NUBP1: variants seen among roughly 807,000 people sequenced by gnomAD.
NUBP1 encodes cytosolic Fe-S cluster assembly factor NUBP1.
NUBP1 carries 46 observed loss-of-function variants against 41.8 expected under a neutral mutation model. That is an observed-to-expected ratio of 1.10 (90% CI 0.87 to 1.41). NUBP1 has a LOEUF of 1.41. Ranked by LOEUF, NUBP1 falls within the 40% of genes most tolerant of loss-of-function variation. The pLI is 0.00. For synonymous variants in NUBP1, 189 were observed against 154.6 expected (o/e 1.22, Z -1.65); for missense variants, 494 against 414.0 (o/e 1.19, Z -1.68).
chr16:10,753,756 A>C (rs1900428909), intron 4 of NUBP1, among the ~76,000 whole-genome samples: 1 of 151,600 alleles, frequency 6.6e-6, no homozygotes, highest in South Asian at 2.1e-4. Context: ...GCCCTCACTG[A>C]GGGATAGCAT....
intron 9 of NUBP1, 164 bp downstream of exon 9, chr16:10,762,023 G>A (rs79212073): frequency 0.013 from 7,831 of 583,900 alleles, 517 homozygotes; most frequent in African/African-American, 0.13. Context: ...AGAGGCCACC[G>A]GGAGAGAGGC....
At chr16:10,755,799 G>A (rs1327401079) in intron 5 of NUBP1, 46 bp downstream of exon 5, 1 of 1,588,786 alleles carries the variant, frequency 6.3e-7, no homozygotes, top group African/African-American at 1.3e-5. Context: ...GTGTGTGGTT[G>A]TGTGTACATA....
Position 10,743,959 on chromosome 16 carries a change from A to G in NUBP1, c.20-2A>G. ...TCTAACTGTGGTCTTGTCTCTGCGC[A>G]GACTGTCCAGGGGCCGACAGCGCCC... is the stretch of plus-strand genomic sequence containing the variant. On this transcript the variant is annotated splice_acceptor_variant, in intron 1 of 10. Transcript: ENST00000283027. LOFTEE classifies it high-confidence loss of function. The G allele has an allele frequency of 6.3e-7, 1 of 1,592,700 alleles. No individual in the cohort carries two copies. The highest frequency in any genetic ancestry group is 8.5e-7 in the Non-Finnish European group (1 of 1,172,828).
chr16:10,761,647 C>A, intron 8 of NUBP1, 110 bp from the exon 9 acceptor site: 1 of 1,015,400 alleles, frequency 9.8e-7, no homozygotes. Flanking sequence ...GTTAAGGGTT[C>A]CACATTCAAA....
At chr16:10,755,070 G>C (rs911744506) in intron 4 of NUBP1, among the ~76,000 whole-genome samples, 2 of 152,148 alleles carry the variant, frequency 1.3e-5, no homozygotes, top group African/African-American at 2.4e-5. Flanking sequence ...AAATAAAACT[G>C]TGGTGATGGC....
intron 2 of NUBP1, among the ~76,000 whole-genome samples, chr16:10,744,267 A>G (rs969115460): frequency 1.3e-5 from 2 of 152,176 alleles, no homozygotes; most frequent in African/African-American, 4.8e-5. Flanking sequence ...GACTGACAGG[A>G]ACGAGGCCTT....
intron 4 of NUBP1, among the ~76,000 whole-genome samples, chr16:10,754,512 G>T (rs2142704924): frequency 1.3e-5 from 2 of 152,138 alleles, no homozygotes; most frequent in East Asian, 3.9e-4. Context: ...CGCAGTGTTT[G>T]GATTACAGGT....
intron 7 of NUBP1, among the ~76,000 whole-genome samples, chr16:10,758,719 C>T (rs1393868846): frequency 6.6e-6 from 1 of 152,170 alleles, no homozygotes; most frequent in African/African-American, 2.4e-5. Context: ...TTTCCGTTTA[C>T]ATCCCAGGAT....
intron 2 of NUBP1, 46 bp from the exon 3 acceptor site, chr16:10,747,097 G>C (rs776280693): frequency 1.2e-6 from 2 of 1,608,544 alleles, no homozygotes; most frequent in South Asian, 1.1e-5. Flanking sequence ...TGACATTCGA[G>C]GTTTGGTGTG....
intron 2 of NUBP1, among the ~76,000 whole-genome samples, chr16:10,744,894 A>G (rs1378659324): frequency 6.6e-6 from 1 of 151,732 alleles, no homozygotes; most frequent in African/African-American, 2.4e-5. Flanking sequence ...AGTACCTGGG[A>G]CTACAGGCGC....
In NUBP1 at chr16:10,744,075, G is replaced by A. The variant is rs2233532; in HGVS notation, c.124+10G>A. On this transcript the variant is annotated intron_variant, in intron 2 of 10. Transcript: ENST00000283027. The stretch of plus-strand genomic sequence containing the variant: ...GCCACTCCGGACACGGGTGAGAAAA[G>A]GGCAAGGCCTCAACAGGAACTTAGA... 1.7e-5 allele frequency: 27 copies of A among 1,567,278 alleles called. No homozygotes were observed. The highest frequency in any genetic ancestry group is 2.4e-5 in the East Asian group (1 of 42,382).
rs1254705485 is a variant in NUBP1, at chr16:10,749,120, GACACATACACACAC to G, written c.258+1850_258+1863del. 0.011 allele frequency among the ~76,000 whole-genome samples: 1,003 copies of G among 92,372 alleles called. 6 individuals are homozygous for G. The highest frequency in any genetic ancestry group is 0.015 in the Middle Eastern group (3 of 198). The allele number at this position is 92,372 out of a possible 152,430, so 60.6% of individuals were successfully genotyped here. Reference sequence around the variant, plus strand: ...AAAAAAGGATATAGATAGATACACAGACACATACACACACACACACACACACACACACACACACA... The same window carrying G: ...AAAAAAGGATATAGATAGATACACAGACACACACACACACACACACACACA... On this transcript the variant is annotated intron_variant, in intron 3 of 10. Coordinates refer to ENST00000283027, the MANE Select transcript of NUBP1 (RefSeq NM_002484.4). This position sits in a 1 kb window ranked among gnomAD's most constrained non-coding sequence, Gnocchi z 4.1.
At chr16:10,746,605 G>A (rs1391090984) in intron 2 of NUBP1, among the ~76,000 whole-genome samples, 1 of 152,144 alleles carries the variant, frequency 6.6e-6, no homozygotes, top group Non-Finnish European at 1.5e-5. Context: ...GCCAGGCATG[G>A]TGGCAGGCAC....
At chr16:10,747,051 G>C (rs565757926) in intron 2 of NUBP1, 92 bp from the exon 3 acceptor site, 38 of 1,463,368 alleles carry the variant, frequency 2.6e-5, no homozygotes, top group Non-Finnish European at 3.6e-5. Context: ...CTAGTACTAG[G>C]ACTAGGACTT....
At position 10,759,647 on chromosome 16, in the gene NUBP1, G is replaced by C. The variant is rs1346137408; in HGVS notation, c.606+1620G>C. The stretch of plus-strand genomic sequence containing the variant: ...AAAAATTAGCCAGGCGTGGTGGTGG[G>C]CACCTGTAATCCCAGCTACTTGGGA... On this transcript the variant is annotated intron_variant, in intron 7 of 10. Coordinates refer to ENST00000283027, the MANE Select transcript of NUBP1 (RefSeq NM_002484.4). The surrounding 1 kb of genome is among the most constrained non-coding windows in gnomAD (Gnocchi z 4.7). Among the ~76,000 whole-genome samples, 1 of 152,120 alleles carries C rather than the reference G, an allele frequency of 6.6e-6. No homozygotes were observed. The highest frequency in any genetic ancestry group is 1.9e-4 in the East Asian group (1 of 5,184).
intron 2 of NUBP1, among the ~76,000 whole-genome samples, chr16:10,744,279 A>G (rs963180333): frequency 4.6e-5 from 7 of 152,214 alleles, no homozygotes; most frequent in Non-Finnish European, 1.0e-4. Flanking sequence ...CGAGGCCTTT[A>G]GAAGGCGAGC....
At position 10,769,075 on chromosome 16, in the gene NUBP1, G is replaced by T. The variant is rs768402371; in HGVS notation, c.933G>T (p.Gln311His). ...QRIQEFCNLH[Q>H]SKEENLISS ...TCCAAGAGTTTTGTAATCTCCATCA[G>T]TCAAAAGAAGAGAACCTCATCAGTT... Residue 311 changes from glutamine (Q) to histidine (H), a missense_variant, in exon 11 of 11, where the codon CAG (glutamine) becomes CAT (histidine). Physicochemically the swap from Gln to His is conservative, Grantham distance 24 (BLOSUM62 0). Coordinates refer to ENST00000283027, the MANE Select transcript of NUBP1 (RefSeq NM_002484.4). 1 of 1,614,080 alleles carries T rather than the reference G, an allele frequency of 6.2e-7. No homozygotes were observed. The highest frequency in any genetic ancestry group is 8.5e-7 in the Non-Finnish European group (1 of 1,180,014).
chr16:10,761,772 T>A lies in NUBP1; in HGVS notation c.733T>A (p.Phe245Ile), dbSNP rs780789103. Residue 245 changes from phenylalanine (F) to isoleucine (I), a missense_variant, in exon 9 of 11, where the codon TTC (phenylalanine) becomes ATC (isoleucine). Phe to Ile is a conservative substitution (Grantham distance 21). Transcript: ENST00000283027. ...CPKCKKESQI[F>I]PPTTGGAELM... is the part of the protein sequence containing the mutation. ...TGCCTTGCAGAAAGAATCTCAGATA[T>A]TCCCTCCCACAACCGGGGGCGCGGA... is the stretch of plus-strand genomic sequence containing the variant. The A allele has an allele frequency of 1.2e-6, 2 of 1,613,872 alleles. No homozygotes were observed. The highest frequency in any genetic ancestry group is 1.7e-6 in the Non-Finnish European group (2 of 1,179,828).
Position 10,765,405 on chromosome 16 carries a change from G to A in NUBP1, c.821-2544G>A, listed in dbSNP as rs1202643567. 6.6e-6 allele frequency among the ~76,000 whole-genome samples: 1 copy of A among 151,750 alleles called. No homozygotes were observed. Among genetic ancestry groups the A allele is most frequent in the Non-Finnish European group, 1.5e-5 (1 of 67,988 alleles). ...GCCTGTGGTCCCAGCTACTCAGGAGGCTGAGTTAGCAGGATCACTTGAGCC... is the reference window on the plus strand; with the variant it reads ...GCCTGTGGTCCCAGCTACTCAGGAGACTGAGTTAGCAGGATCACTTGAGCC... On this transcript the variant is annotated intron_variant, in intron 9 of 10. Coordinates refer to ENST00000283027, the MANE Select transcript of NUBP1 (RefSeq NM_002484.4). This position sits in a 1 kb window ranked among gnomAD's most constrained non-coding sequence, Gnocchi z 4.0.
Sources: gnomAD v4.1 joint callset for allele counts (sites outside exome capture counted in the v4.1 genomes callset) on GRCh38, gnomAD v4.1.1 for gene constraint, Gnocchi (gnomAD v3.1) non-coding constraint, MANE v1.5 for transcripts, NCBI Gene and HGNC (gene_info 2026-07-23, HGNC 2026-07-21) for gene names.